CSRNP1: variants seen among roughly 807,000 people sequenced by gnomAD.
CSRNP1 encodes cysteine/serine-rich nuclear protein 1.
Under a neutral mutation model 25.0 loss-of-function variants are expected in CSRNP1, and 8 were observed. The observed-to-expected ratio is 0.32, with a 90% CI of 0.19 to 0.58. CSRNP1 has a LOEUF of 0.58. Ranked by LOEUF, CSRNP1 falls within the 20% of genes least tolerant of loss-of-function variation. The pLI is 0.88. For missense variants in CSRNP1, 691 were observed against 773.1 expected (o/e 0.89, Z 1.26); for synonymous variants, 305 against 303.1 (o/e 1.01, Z -0.06).
At position 39,144,256 on chromosome 3, in the gene CSRNP1, G is replaced by C; in HGVS notation, c.661C>G (p.Arg221Gly). 1 of 1,614,104 alleles carries C rather than the reference G, an allele frequency of 6.2e-7. No homozygotes were observed. Among genetic ancestry groups the C allele is most frequent in the Non-Finnish European group, 8.5e-7 (1 of 1,180,022 alleles). The part of the protein sequence containing the change: ...LRASGVRRID[R>G]EEKRELQALR... The stretch of plus-strand genomic sequence containing the variant: ...GCCTGCAGCTCCCGCTTCTCCTCCC[G>C]ATCGATCCTTCGCACACCTGAAGCC... Residue 221 changes from arginine to glycine, a missense_variant, in exon 4 of 5, where the codon CGG becomes GGG. Transcript: ENST00000273153.
intron 1 of CSRNP1, among the ~76,000 whole-genome samples, chr3:39,148,030 C>T (rs1339772196): frequency 1.3e-5 from 2 of 152,190 alleles, no homozygotes; most frequent in African/African-American, 4.8e-5. Context: ...ACTCCTTTGC[C>T]CTCTTCCCAG....
chr3:39,146,677 A>C lies in CSRNP1; in HGVS notation c.6T>G (p.Thr2=). 1 of 1,561,368 alleles carries C rather than the reference A, an allele frequency of 6.4e-7. No individual in the cohort carries two copies. Among genetic ancestry groups the C allele is most frequent in the Non-Finnish European group, 8.7e-7 (1 of 1,152,678 alleles). M[T]GLLKRKFDQL... ...GGTCAAATTTCCTCTTCAACAGCCC[A>C]GTCATGGTGGTGCCGGACGTGCTCT... The change falls in exon 2 of 5, where the codon ACT becomes ACG. Residue 2 remains threonine, a synonymous_variant. Transcript: ENST00000273153.
Position 39,143,475 on chromosome 3 carries a change from T to A in CSRNP1, c.1350A>T (p.Thr450=). The change falls in exon 5 of 5, where the codon ACA becomes ACT. Residue 450 remains threonine, a synonymous_variant. Transcript: ENST00000273153. ...TGGCATTCTCATCCAGGACGCCTGA[T>A]GTGAAGCTACAGCCAGAATAGCTGT... ...WTHSYSGCSF[T]SGVLDENANL... The A allele has an allele frequency of 3.7e-6, 6 of 1,614,148 alleles. No homozygotes were observed. Among genetic ancestry groups the A allele is most frequent in the Non-Finnish European group, 5.1e-6 (6 of 1,179,968 alleles).
rs1455264417 is a variant in CSRNP1 at position 39,143,326 on chromosome 3, G to A, written c.1499C>T (p.Ser500Phe). The change falls in exon 5 of 5, where the codon TCT becomes TTT. Residue 500 changes from serine (S) to phenylalanine (F), a missense_variant. Coordinates refer to ENST00000273153, the MANE Select transcript of CSRNP1 (RefSeq NM_033027.4). ...GAGTAACTCAAAGGAGTCACAAGAA[G>A]ACAAGCTGAGATCCACTGAGCTACT... The part of the protein sequence containing the change: ...GRSSSVDLSL[S>F]SCDSFELLQA... 1 of 1,614,218 alleles carries A rather than the reference G, an allele frequency of 6.2e-7. No individual in the cohort carries two copies. Among genetic ancestry groups the A allele is most frequent in the South Asian group, 1.1e-5 (1 of 91,088 alleles).
Position 39,146,533 on chromosome 3 carries a change from G to C in CSRNP1, c.150C>G (p.Pro50=). The change falls in exon 2 of 5, where the codon CCC becomes CCG. Residue 50 remains proline, a synonymous_variant. Coordinates refer to ENST00000273153, the MANE Select transcript of CSRNP1 (RefSeq NM_033027.4). ...SRAWDSEEEG[P]WDQMPLPDRD... is the part of the protein sequence containing the mutation. ...GGTCAGGCAGGGGCATCTGATCCCA[G>C]GGGCCTTCCTCCTCTGAGTCCCAGG... 6.4e-7 allele frequency: 1 copy of C among 1,551,558 alleles called. No homozygotes were observed. Among genetic ancestry groups the C allele is most frequent in the Non-Finnish European group, 8.7e-7 (1 of 1,146,954 alleles).
At chr3:39,146,444 A>C in intron 2 of CSRNP1, 34 bp downstream of exon 2, 1 of 1,487,054 alleles carries the variant, frequency 6.7e-7, no homozygotes, top group East Asian at 2.5e-5. Flanking sequence ...GAAGGCAGGC[A>C]GGTGATGGAG....
chr3:39,147,694 C>A (rs935195907), intron 1 of CSRNP1, among the ~76,000 whole-genome samples: 1 of 152,074 alleles, frequency 6.6e-6, no homozygotes, highest in Non-Finnish European at 1.5e-5. Context: ...TAACCAGAGA[C>A]TCCCACAGCT....
intron 1 of CSRNP1, chr3:39,149,208 G>A (rs554835248): frequency 6.6e-6 from 1 of 151,936 alleles, no homozygotes; most frequent in South Asian, 2.1e-4. Flanking sequence ...AGGCAGACAC[G>A]AAATACATGC....
rs754495335 is a variant in CSRNP1, at chr3:39,145,231, G to A, written c.231C>T (p.Arg77=). ...AGGCTACACGGCCTGGGCGCTCCCG[G>A]CGAGCCCGCTTCAGGATAGACAGGG... is the stretch of plus-strand genomic sequence containing the variant. ...FTPLSILKRA[R]RERPGRVAFD... The change falls in exon 3 of 5, where the codon CGC becomes CGT. Residue 77 remains arginine (R), a synonymous_variant. Coordinates refer to ENST00000273153, the MANE Select transcript of CSRNP1 (RefSeq NM_033027.4). The A allele has an allele frequency of 1.9e-6, 3 of 1,607,006 alleles. No individual in the cohort carries two copies. The Admixed American group carries it at 5.0e-5, about 27-fold the overall frequency.
Position 39,143,992 on chromosome 3 carries a change from G to T in CSRNP1, c.833C>A (p.Pro278His). 1 of 1,613,738 alleles carries T rather than the reference G, an allele frequency of 6.2e-7. No individual in the cohort carries two copies. ...CTGATTAAATTCCACACGGCCCATG[G>T]GGTTCTCACAGCCCTCCCTGCAGCA... ...CGCCREGCENPMGRVEFNQAR... is the reference protein window; with the variant it reads ...CGCCREGCENHMGRVEFNQAR... Residue 278 changes from proline to histidine, a missense_variant, in exon 5 of 5, where the codon CCC (proline) becomes CAC (histidine). Coordinates refer to ENST00000273153, the MANE Select transcript of CSRNP1 (RefSeq NM_033027.4).
chr3:39,151,503 C>G (rs2039581571), intron 1 of CSRNP1: 1 of 152,546 alleles, frequency 6.6e-6, no homozygotes, highest in African/African-American at 2.4e-5. Flanking sequence ...TCCACCTCAG[C>G]AGTCCTACCA....
At chr3:39,152,327 G>A (rs2039592959) in intron 1 of CSRNP1, 1 of 152,686 alleles carries the variant, frequency 6.5e-6, no homozygotes, top group Non-Finnish European at 1.5e-5. Context: ...GCCACAGAAG[G>A]CTTAAGTAGG....
At chr3:39,147,786 G>C (rs915172350) in intron 1 of CSRNP1, among the ~76,000 whole-genome samples, 1 of 152,090 alleles carries the variant, frequency 6.6e-6, no homozygotes, top group African/African-American at 2.4e-5. Context: ...CCAAGGTTTG[G>C]CAAGCCCCAG....
Position 39,142,980 on chromosome 3 carries a change from C to T in CSRNP1, c.*75G>A, listed in dbSNP as rs2039433881. On this transcript the variant is annotated 3_prime_UTR_variant, in exon 5 of 5. Coordinates refer to ENST00000273153, the MANE Select transcript of CSRNP1 (RefSeq NM_033027.4). ...AGCCAGCCAGTGGGAGACTGTTACG[C>T]AGACTCTGGGGAGCCCCATAATTAC... The T allele has an allele frequency of 6.7e-7, 1 of 1,499,592 alleles. No homozygotes were observed. Among genetic ancestry groups the T allele is most frequent in the South Asian group, 1.4e-5 (1 of 73,550 alleles). 92.9% of individuals were successfully genotyped at this position (1,499,592 alleles called of 1,614,324 possible).
chr3:39,151,238 C>T (rs950143216), intron 1 of CSRNP1: 3 of 152,406 alleles, frequency 2.0e-5, no homozygotes, highest in East Asian at 1.9e-4. Flanking sequence ...ACCACACCGC[C>T]GAGGAACCCC....
In CSRNP1 at chr3:39,142,951, G is replaced by T; in HGVS notation, c.*104C>A. ...CAGGAGTGTGCACATGGCACCTGTG[G>T]GTGAGCCAGCCAGTGGGAGACTGTT... is the stretch of plus-strand genomic sequence containing the variant. On this transcript the variant is annotated 3_prime_UTR_variant, in exon 5 of 5. Transcript: ENST00000273153. 1.5e-6 allele frequency: 2 copies of T among 1,331,378 alleles called. No homozygotes were observed. Among genetic ancestry groups the T allele is most frequent in the Non-Finnish European group, 2.1e-6 (2 of 970,702 alleles). 82.5% of individuals were successfully genotyped at this position (1,331,378 alleles called of 1,614,324 possible). A position where few individuals can be genotyped will look rare whatever the true frequency, so the allele number is the denominator to read the frequency against.
Position 39,145,213 on chromosome 3 carries a change from A to C in CSRNP1, c.249T>G (p.Arg83=). 6.2e-7 allele frequency: 1 copy of C among 1,612,410 alleles called. No homozygotes were observed. Among genetic ancestry groups the C allele is most frequent in the Non-Finnish European group, 8.5e-7 (1 of 1,178,620 alleles). Reference sequence around the variant, plus strand: ...AGACGGTGATCCCATCAAAGGCTACACGGCCTGGGCGCTCCCGGCGAGCCC... The same window carrying C: ...AGACGGTGATCCCATCAAAGGCTACCCGGCCTGGGCGCTCCCGGCGAGCCC... ...LKRARRERPG[R]VAFDGITVFY... Residue 83 remains arginine (R), a synonymous_variant, in exon 3 of 5, where the codon CGT becomes CGG. Transcript: ENST00000273153.
At chr3:39,144,587 A>G (rs556758888) in intron 3 of CSRNP1, 136 bp from the exon 4 acceptor site, 1 of 858,604 alleles carries the variant, frequency 1.2e-6, no homozygotes, top group Non-Finnish European at 1.8e-6. Flanking sequence ...ACTGTGTGTC[A>G]GACAGTGAAC....
intron 1 of CSRNP1, chr3:39,152,037 G>A (rs1443828236): frequency 6.6e-6 from 1 of 152,400 alleles, no homozygotes; most frequent in East Asian, 1.9e-4. Flanking sequence ...CGCGCATGCA[G>A]GGAGCAAGAC....
Sources: gnomAD v4.1 joint callset for allele counts (sites outside exome capture counted in the v4.1 genomes callset) on GRCh38, gnomAD v4.1.1 for gene constraint, MANE v1.5 for transcripts, NCBI Gene and HGNC (gene_info 2026-07-23, HGNC 2026-07-21) for gene names.